The following TDRP variants were observed in gnomAD, a reference collection of about 807,000 sequenced individuals.
TDRP encodes the protein testis development-related protein.
Under a neutral mutation model 10.5 loss-of-function variants are expected in TDRP, and 12 were observed. The ratio of observed to expected loss-of-function variants is 1.15; its 90% confidence interval spans 0.73 to 1.86. The LOEUF (loss-of-function observed/expected upper bound fraction) is 1.86. TDRP is among the 40% of genes most tolerant of loss of function. TDRP has a pLI of 0.00. For synonymous variants in TDRP, 139 were observed against 95.4 expected, an observed-to-expected ratio of 1.46 and a Z score of -2.67; for missense variants, 353 against 229.2, an observed-to-expected ratio of 1.54 and a Z score of -3.49.
At chr8:532,342 G>A (rs1445026280) in intron 1 of TDRP, among the ~76,000 whole-genome samples, 3 of 152,196 alleles carry the variant, frequency 2.0e-5, no homozygotes, top group Non-Finnish European at 4.4e-5. Flanking sequence ...GGGGAAACCT[G>A]CAATCTGTCT....
At chr8:504,202 C>T (rs895899288) in intron 1 of TDRP, among the ~76,000 whole-genome samples, 3 of 152,194 alleles carry the variant, frequency 2.0e-5, no homozygotes, top group Non-Finnish European at 4.4e-5. Context: ...GTGTGACCTC[C>T]AGGAGTTGTT....
intron 1 of TDRP, among the ~76,000 whole-genome samples, chr8:511,494 G>T (rs558208787): frequency 3.9e-5 from 6 of 152,088 alleles, no homozygotes; most frequent in African/African-American, 1.4e-4. Context: ...GACATAAAGG[G>T]AGAACTAGAA....
rs1801008478 is a variant in TDRP, at chr8:492,524, T to C, written c.433A>G (p.Lys145Glu). The change falls in exon 3 of 3, where the codon AAG becomes GAG. Residue 145 changes from lysine (K) to glutamate (E), a missense_variant. Lys to Glu is a moderately conservative substitution (Grantham distance 56, BLOSUM62 1). Coordinates refer to ENST00000324079, the MANE Select transcript of TDRP (RefSeq NM_001384899.1). ...GWEDDAKGST[K>E]YTSLASSANS... ...GCAGAGCTGGCCAGGCTGGTGTACT[T>C]GGTCGAGCCCTTGGCGTCATCCTCC... 2 of 1,610,782 alleles carry C rather than the reference T, an allele frequency of 1.2e-6. No individual in the cohort carries two copies. The highest frequency in any genetic ancestry group is 1.7e-6 in the Non-Finnish European group (2 of 1,178,278).
At chr8:506,812 A>T (rs1801477744) in intron 1 of TDRP, among the ~76,000 whole-genome samples, 1 of 152,200 alleles carries the variant, frequency 6.6e-6, no homozygotes, top group Non-Finnish European at 1.5e-5. Flanking sequence ...GGAAGACAAA[A>T]TCTCTTTCCA....
chr8:513,394 A>C (rs1008683165), intron 1 of TDRP, among the ~76,000 whole-genome samples: 4 of 149,506 alleles, frequency 2.7e-5, no homozygotes, highest in African/African-American at 1.0e-4. Context: ...GCAAATGAAT[A>C]AAAAAAATTA....
At chr8:542,931 C>G (rs1467159790) in intron 1 of TDRP, among the ~76,000 whole-genome samples, 1 of 151,554 alleles carries the variant, frequency 6.6e-6, no homozygotes, top group Non-Finnish European at 1.5e-5. Context: ...AACGAAGGCA[C>G]TGCCAGCAAT....
intron 1 of TDRP, among the ~76,000 whole-genome samples, chr8:497,341 T>C (rs547143687): frequency 4.3e-4 from 65 of 152,342 alleles, no homozygotes; most frequent in East Asian, 3.3e-3. Flanking sequence ...TCCCTCTTGC[T>C]TTGCCTTAGC....
intron 1 of TDRP, among the ~76,000 whole-genome samples, chr8:525,290 C>G (rs7837774): frequency 0.012 from 1,772 of 152,198 alleles, 28 homozygotes; most frequent in African/African-American, 0.041. Flanking sequence ...AACACCAGAT[C>G]TGTCCTACAA....
intron 1 of TDRP, among the ~76,000 whole-genome samples, chr8:541,380 A>C (rs991016442): frequency 6.6e-6 from 1 of 152,234 alleles, no homozygotes; most frequent in Admixed American, 6.5e-5. Flanking sequence ...TATAATACCA[A>C]AGGCACATCC....
chr8:494,661 C>T, intron 1 of TDRP, 64 bp from the exon 2 acceptor site: 1 of 1,416,720 alleles, frequency 7.1e-7, no homozygotes, highest in African/African-American at 1.4e-5. Flanking sequence ...CCGCTTTCTA[C>T]TCCAATAACC....
At chr8:505,908 A>G (rs549790392) in intron 1 of TDRP, among the ~76,000 whole-genome samples, 3 of 152,308 alleles carry the variant, frequency 2.0e-5, no homozygotes, top group East Asian at 3.9e-4. Flanking sequence ...CGGCACGTAG[A>G]TATCAACTTG....
At chr8:523,668 C>A (rs754623545) in intron 1 of TDRP, among the ~76,000 whole-genome samples, 2 of 152,160 alleles carry the variant, frequency 1.3e-5, no homozygotes, top group African/African-American at 2.4e-5. Context: ...CAATACTCTC[C>A]GAGGGCCTGG....
intron 1 of TDRP, among the ~76,000 whole-genome samples, chr8:527,701 A>G (rs1394346227): frequency 6.6e-6 from 1 of 152,196 alleles, no homozygotes; most frequent in East Asian, 1.9e-4. Flanking sequence ...CTGGATATCC[A>G]CATGCAGAAG....
At chr8:495,816 T>C (rs1801112822) in intron 1 of TDRP, among the ~76,000 whole-genome samples, 1 of 152,212 alleles carries the variant, frequency 6.6e-6, no homozygotes. Flanking sequence ...AGGTGCAATG[T>C]CTGGGGGTCT....
At chr8:541,214 C>A (rs1210429546) in intron 1 of TDRP, among the ~76,000 whole-genome samples, 2 of 152,190 alleles carry the variant, frequency 1.3e-5, no homozygotes, top group Non-Finnish European at 2.9e-5. Context: ...TAAGACTAAT[C>A]TGTCATAATT....
At chr8:525,954 C>G (rs1021286770) in intron 1 of TDRP, among the ~76,000 whole-genome samples, 1 of 152,110 alleles carries the variant, frequency 6.6e-6, no homozygotes, top group South Asian at 2.1e-4. Flanking sequence ...TGCTGGAAGT[C>G]TTTTTATTCT....
At chr8:513,503 T>C (rs1237713511) in intron 1 of TDRP, among the ~76,000 whole-genome samples, 2 of 152,202 alleles carry the variant, frequency 1.3e-5, no homozygotes, top group Non-Finnish European at 2.9e-5. Context: ...GGGAATTTCC[T>C]CAACCTAGTA....
rs191448987 is a variant in TDRP at position 533,699 on chromosome 8, G to T, written c.108+10951C>A. 4.0e-3 allele frequency among the ~76,000 whole-genome samples: 612 copies of T among 152,172 alleles called. 4 individuals carry two copies. The highest frequency in any genetic ancestry group is 0.013 in the African/African-American group (557 of 41,526). On this transcript the variant is annotated intron_variant, in intron 1 of 2. Coordinates refer to ENST00000324079, the MANE Select transcript of TDRP (RefSeq NM_001384899.1). ...TCCACTCCTTAATGGGATTTTCCCA[G>T]TTCTTCCCTGTACAGCCCTCCTGTG...
intron 1 of TDRP, among the ~76,000 whole-genome samples, chr8:530,005 T>C (rs1032987396): frequency 2.0e-4 from 31 of 152,280 alleles, no homozygotes; most frequent in African/African-American, 7.0e-4. Context: ...TTCTACAATA[T>C]GTATATTGGT....
Sources: allele counts gnomAD v4.1 joint callset (sites outside exome capture counted in the v4.1 genomes callset), GRCh38; gene constraint gnomAD v4.1.1; transcripts MANE v1.5; gene names NCBI Gene and HGNC (gene_info 2026-07-23, HGNC 2026-07-21).